UCMA: variants seen among roughly 807,000 people sequenced by gnomAD.
The protein encoded by UCMA is upper zone of growth plate and cartilage matrix-associated protein.
A neutral mutation model predicts 21.8 loss-of-function variants in UCMA; 21 were observed. That is an observed-to-expected ratio of 0.97 (90% CI 0.68 to 1.39). The LOEUF (loss-of-function observed/expected upper bound fraction) is 1.39. Ranked by LOEUF, UCMA falls within the 40% of genes most tolerant of loss-of-function variation. UCMA has a pLI of 0.00. For synonymous variants in UCMA, 76 were observed against 67.9 expected (o/e 1.12, Z -0.58); for missense variants, 193 against 178.9 (o/e 1.08, Z -0.45).
Position 13,229,598 on chromosome 10 carries a change from GA to G in UCMA, c.319+12del. 5.0e-6 allele frequency: 8 copies of G among 1,611,366 alleles called. No homozygotes were observed. Among genetic ancestry groups the G allele is most frequent in the Non-Finnish European group, 6.8e-6 (8 of 1,177,892 alleles). Reference sequence around the variant, plus strand: ...CTCCACCTCCCTGAAGACACTGGCTGAAGAGCTCTTACCATCGTTTTGTTCC... The same window carrying G: ...CTCCACCTCCCTGAAGACACTGGCTGAGAGCTCTTACCATCGTTTTGTTCC... On this transcript the variant is annotated intron_variant, in intron 4 of 4. Transcript: ENST00000378681.
At chr10:13,225,810 G>GCTCATT (rs1475391167) in intron 4 of UCMA, among the ~76,000 whole-genome samples, 1 of 152,068 alleles carries the variant, frequency 6.6e-6, no homozygotes, top group Non-Finnish European at 1.5e-5. Context: ...CCCCAGGGAT[G>GCTCATT]GTTTCAGGCA....
chr10:13,222,417 G>A (rs1834770006), intron 4 of UCMA, among the ~76,000 whole-genome samples: 1 of 152,240 alleles, frequency 6.6e-6, no homozygotes, highest in Admixed American at 6.5e-5. Flanking sequence ...GTCACAGGCA[G>A]GTGTAGACCA....
chr10:13,223,179 T>G (rs945846869), intron 4 of UCMA, among the ~76,000 whole-genome samples: 1 of 145,618 alleles, frequency 6.9e-6, no homozygotes, highest in African/African-American at 2.6e-5. Context: ...TGAGCTGAGA[T>G]CACGCCACTG....
chr10:13,233,859 C>CAA, intron 1 of UCMA, 59 bp from the exon 2 acceptor site: 2 of 1,598,914 alleles, frequency 1.3e-6, no homozygotes, highest in Non-Finnish European at 1.7e-6. Context: ...AGACCCTGAG[C>CAA]TGAGTCCCCA....
At chr10:13,225,482 C>A (rs1834812517) in intron 4 of UCMA, among the ~76,000 whole-genome samples, 1 of 152,036 alleles carries the variant, frequency 6.6e-6, no homozygotes, top group Admixed American at 6.6e-5. Context: ...CAAGACCAGC[C>A]TGGCCAACAT....
chr10:13,230,926 A>C (rs1383652838), intron 3 of UCMA, among the ~76,000 whole-genome samples: 1 of 152,130 alleles, frequency 6.6e-6, no homozygotes, highest in Non-Finnish European at 1.5e-5. Flanking sequence ...GCGTGGTGGC[A>C]GGTGCCTATA....
chr10:13,232,152 T>C (rs1834907196), intron 3 of UCMA, among the ~76,000 whole-genome samples: 1 of 148,478 alleles, frequency 6.7e-6, no homozygotes, highest in South Asian at 2.2e-4. Flanking sequence ...GGCAGGGGGG[T>C]CACCTGAGTT....
intron 3 of UCMA, among the ~76,000 whole-genome samples, chr10:13,231,893 A>T (rs1279543472): frequency 6.6e-6 from 1 of 152,152 alleles, no homozygotes; most frequent in Non-Finnish European, 1.5e-5. Context: ...AACCTGAGGC[A>T]TCGCTGGGCA....
chr10:13,228,038 G>C (rs1834847210), intron 4 of UCMA, among the ~76,000 whole-genome samples: 1 of 151,754 alleles, frequency 6.6e-6, no homozygotes, highest in South Asian at 2.1e-4. Flanking sequence ...AGAGACACTG[G>C]ACTCTCTGGT....
intron 4 of UCMA, among the ~76,000 whole-genome samples, chr10:13,223,205 G>A (rs1360300464): frequency 2.8e-5 from 4 of 143,336 alleles, no homozygotes; most frequent in Non-Finnish European, 6.0e-5. Flanking sequence ...CAGCCTGGGC[G>A]ACAGAGTGAG....
At chr10:13,226,561 G>A (rs2131603781) in intron 4 of UCMA, among the ~76,000 whole-genome samples, 1 of 152,276 alleles carries the variant, frequency 6.6e-6, no homozygotes, top group South Asian at 2.1e-4. Context: ...CTGGCTTCAA[G>A]CAATGCTCCC....
intron 4 of UCMA, 95 bp downstream of exon 4, chr10:13,229,513 GAAA>G: frequency 1.1e-5 from 10 of 930,962 alleles, no homozygotes; most frequent in South Asian, 3.5e-5. Context: ...CTCAAAAAAA[GAAA>G]AAAAAAAAAA....
chr10:13,233,308 C>T (rs1053894616), intron 3 of UCMA, among the ~76,000 whole-genome samples: 5 of 152,238 alleles, frequency 3.3e-5, no homozygotes, highest in African/African-American at 1.2e-4. Context: ...GTCATCTTTG[C>T]AGAGGTGGGG....
intron 3 of UCMA, 66 bp downstream of exon 3, chr10:13,233,472 G>A: frequency 1.5e-6 from 2 of 1,315,858 alleles, no homozygotes; most frequent in Non-Finnish European, 2.2e-6. Context: ...TGTGGGAGAG[G>A]AGGAGCCGGG....
chr10:13,227,562 A>G (rs1437431706), intron 4 of UCMA, among the ~76,000 whole-genome samples: 1 of 152,048 alleles, frequency 6.6e-6, no homozygotes, highest in Non-Finnish European at 1.5e-5. Flanking sequence ...TACCCAAAAT[A>G]CAAAAATTAG....
intron 3 of UCMA, among the ~76,000 whole-genome samples, chr10:13,231,437 C>T (rs1834898043): frequency 6.6e-6 from 1 of 152,236 alleles, no homozygotes; most frequent in African/African-American, 2.4e-5. Flanking sequence ...CCACACGCCA[C>T]TGCTGGCTCA....
intron 4 of UCMA, among the ~76,000 whole-genome samples, chr10:13,227,469 G>C (rs1564402647): frequency 6.6e-6 from 1 of 152,152 alleles, no homozygotes; most frequent in Non-Finnish European, 1.5e-5. Context: ...TATAATCCCA[G>C]CACTTTGGGA....
In UCMA at chr10:13,233,813, G is replaced by A; in HGVS notation, c.59-13C>T. 1 of 1,613,370 alleles carries A rather than the reference G, an allele frequency of 6.2e-7. No homozygotes were observed. The highest frequency in any genetic ancestry group is 8.5e-7 in the Non-Finnish European group (1 of 1,179,860). On this transcript the variant is annotated splice_polypyrimidine_tract_variant and intron_variant, in intron 1 of 4. Transcript: ENST00000378681. ...CCCTCTCTCAGCACTGCAGGACAAG[G>A]GCACAGAGTGAGGCTGCAGCATCAG... is the stretch of plus-strand genomic sequence containing the variant.
intron 4 of UCMA, among the ~76,000 whole-genome samples, chr10:13,224,904 A>G (rs1834804688): frequency 6.6e-6 from 1 of 152,168 alleles, no homozygotes; most frequent in African/African-American, 2.4e-5. Flanking sequence ...TTGATAGCCC[A>G]GGGGCAGCCT....
Sources: allele counts gnomAD v4.1 joint callset (sites outside exome capture counted in the v4.1 genomes callset), GRCh38; gene constraint gnomAD v4.1.1; transcripts MANE v1.5; gene names NCBI Gene and HGNC (gene_info 2026-07-23, HGNC 2026-07-21).